TREH: variants seen among roughly 807,000 people sequenced by gnomAD.
The protein encoded by TREH is alpha,alpha-trehalose glucohydrolase.
In TREH, 69 loss-of-function variants were observed where a neutral mutation model predicts 80.5. That is an observed-to-expected ratio of 0.86 (90% CI 0.71 to 1.05). TREH has a LOEUF of 1.05. TREH is among the 50% of genes least tolerant of loss of function. The pLI, the probability that TREH is intolerant of heterozygous loss-of-function variation, is 0.00. For synonymous variants in TREH, 309 were observed against 293.5 expected (o/e 1.05, Z -0.54); for missense variants, 716 against 718.8 (o/e 1.00, Z 0.04).
At position 118,664,404 on chromosome 11, in the gene TREH, T is replaced by C. The variant is rs369974097; in HGVS notation, c.90-965A>G. On this transcript the variant is annotated intron_variant, in intron 1 of 14. Transcript: ENST00000264029. Reference sequence around the variant, plus strand: ...CCCCTGTGTTTGGGTTTTTGCTGACTTATGGGCAGTAGCCAATGGCCTGGC... The same window carrying C: ...CCCCTGTGTTTGGGTTTTTGCTGACCTATGGGCAGTAGCCAATGGCCTGGC... 1.2e-4 allele frequency among the ~76,000 whole-genome samples: 19 copies of C among 152,240 alleles called. 1 individual carries two copies. Among genetic ancestry groups the C allele is most frequent in the Admixed American group, 3.9e-4 (6 of 15,290 alleles).
chr11:118,663,281 C>G, intron 2 of TREH, 58 bp downstream of exon 2: 1 of 1,563,136 alleles, frequency 6.4e-7, no homozygotes. Context: ...GGTCTTGCCC[C>G]CTGCCTTCTT....
chr11:118,660,438 T>G (rs1555144643), intron 10 of TREH, 101 bp downstream of exon 10: 1 of 1,265,478 alleles, frequency 7.9e-7, no homozygotes, highest in African/African-American at 1.5e-5. Flanking sequence ...CAGGCTAAGT[T>G]GCTGAAGGCC....
At chr11:118,669,011 C>T (rs935143979) in intron 1 of TREH, among the ~76,000 whole-genome samples, 2 of 152,090 alleles carry the variant, frequency 1.3e-5, no homozygotes, top group Admixed American at 6.6e-5. Context: ...ATAGACATTA[C>T]TCAAAAGCAG....
At chr11:118,679,421 C>T (rs2137294488) in intron 1 of TREH, 118 bp downstream of exon 1, 2 of 1,258,180 alleles carry the variant, frequency 1.6e-6, no homozygotes, top group Middle Eastern at 2.0e-4. Flanking sequence ...CTTCCCTACT[C>T]TTTCCTTCCT....
In TREH at chr11:118,661,544, C is replaced by T; in HGVS notation, c.618-35G>A. 2 of 1,612,628 alleles carry T rather than the reference C, an allele frequency of 1.2e-6. No individual in the cohort carries two copies. The highest frequency in any genetic ancestry group is 8.5e-7 in the Non-Finnish European group (1 of 1,179,100). ...GGAAGGCCTGCTGAGATGCCCTCTCCCCAGCAACTGGCACCAAGGCAATCC... is the reference window on the plus strand; with the variant it reads ...GGAAGGCCTGCTGAGATGCCCTCTCTCCAGCAACTGGCACCAAGGCAATCC... On this transcript the variant is annotated intron_variant, in intron 6 of 14. Coordinates refer to ENST00000264029, the MANE Select transcript of TREH (RefSeq NM_007180.3). The surrounding 1 kb of genome is among the most constrained non-coding windows in gnomAD (Gnocchi z 4.2).
chr11:118,677,277 C>T (rs1001501944), intron 1 of TREH, among the ~76,000 whole-genome samples: 6 of 152,190 alleles, frequency 3.9e-5, no homozygotes, highest in East Asian at 1.9e-4. Flanking sequence ...ATACTTCATG[C>T]GTGCTGTCAC....
At position 118,679,268 on chromosome 11, in the gene TREH, T is replaced by C. The variant is rs567157560; in HGVS notation, c.89+271A>G. On this transcript the variant is annotated intron_variant, in intron 1 of 14. Coordinates refer to ENST00000264029, the MANE Select transcript of TREH (RefSeq NM_007180.3). ...ACGAGAATCTCTCGAACCCGGGAGG[T>C]CTAGGCTGCAGTGAGTGGAGATGGT... is the stretch of plus-strand genomic sequence containing the variant. Among the ~76,000 whole-genome samples the C allele has an allele frequency of 9.1e-4, 138 of 151,558 alleles. 1 individual carries two copies. The highest frequency in any genetic ancestry group is 2.5e-3 in the South Asian group (12 of 4,788).
intron 1 of TREH, among the ~76,000 whole-genome samples, chr11:118,668,431 C>T (rs4589335): frequency 0.32 from 48,044 of 150,958 alleles, 8,053 homozygotes; most frequent in Admixed American, 0.46. Context: ...ATTAGCTGGG[C>T]GTGGTGGCAT....
chr11:118,658,007 A>G lies in TREH; in HGVS notation c.*282T>C, dbSNP rs575784297. 16 of 462,622 alleles carry G rather than the reference A, an allele frequency of 3.5e-5. No homozygotes were observed. Among genetic ancestry groups the G allele is most frequent in the African/African-American group, 2.7e-4 (14 of 52,118 alleles). 28.7% of individuals were successfully genotyped at this position (462,622 alleles called of 1,614,324 possible). On this transcript the variant is annotated 3_prime_UTR_variant, in exon 15 of 15. Transcript: ENST00000264029. ...TATTTGTAAGCATTTCAGCAGAACA[A>G]TAAAGCCTTTGGACTACGGAAGTGA...
intron 1 of TREH, among the ~76,000 whole-genome samples, chr11:118,669,860 C>T (rs969206721): frequency 1.3e-5 from 2 of 152,086 alleles, no homozygotes; most frequent in African/African-American, 4.8e-5. Flanking sequence ...AGAGTATAAT[C>T]AGATTGTTTG....
Position 118,658,005 on chromosome 11 carries a change from C to G in TREH, c.*284G>C, listed in dbSNP as rs1555143313. On this transcript the variant is annotated 3_prime_UTR_variant, in exon 15 of 15. Coordinates refer to ENST00000264029, the MANE Select transcript of TREH (RefSeq NM_007180.3). ...AGTATTTGTAAGCATTTCAGCAGAA[C>G]AATAAAGCCTTTGGACTACGGAAGT... 2.2e-6 allele frequency: 1 copy of G among 454,210 alleles called. No individual in the cohort carries two copies. The highest frequency in any genetic ancestry group is 4.0e-6 in the Non-Finnish European group (1 of 252,062). 28.1% of individuals were successfully genotyped at this position (454,210 alleles called of 1,614,324 possible).
chr11:118,679,210 G>A (rs183316166), intron 1 of TREH, among the ~76,000 whole-genome samples: 2 of 152,236 alleles, frequency 1.3e-5, no homozygotes, highest in Non-Finnish European at 2.9e-5. Flanking sequence ...GGTGGTGCAT[G>A]CCTGTGATTC....
intron 1 of TREH, among the ~76,000 whole-genome samples, chr11:118,676,883 GA>G (rs1949486160): frequency 6.6e-6 from 1 of 151,880 alleles, no homozygotes; most frequent in Non-Finnish European, 1.5e-5. Flanking sequence ...GGTTACTTTG[GA>G]GGAACCCAAG....
chr11:118,665,595 A>G (rs906563519), intron 1 of TREH, among the ~76,000 whole-genome samples: 2 of 152,138 alleles, frequency 1.3e-5, no homozygotes, highest in African/African-American at 2.4e-5. Flanking sequence ...AGCCGAGATC[A>G]CGCCACTGCA....
chr11:118,668,675 C>T (rs1373981250), intron 1 of TREH, among the ~76,000 whole-genome samples: 4 of 150,374 alleles, frequency 2.7e-5, no homozygotes, highest in Non-Finnish European at 5.9e-5. Flanking sequence ...CGCAGTGGCT[C>T]ATGCCTGTAA....
At chr11:118,665,300 AG>A (rs1949366444) in intron 1 of TREH, among the ~76,000 whole-genome samples, 1 of 152,092 alleles carries the variant, frequency 6.6e-6, no homozygotes, top group African/African-American at 2.4e-5. Context: ...CCCCACGACT[AG>A]GACTGCAAAT....
rs1452959647 is a variant in TREH at position 118,663,135 on chromosome 11, C to T, written c.252G>A (p.Glu84=). The part of the protein sequence containing the change: ...SRDHNHSIPR[E]QLQAFVHEHF... The stretch of plus-strand genomic sequence containing the variant: ...GTTCGTGGACAAACGCCTGCAGCTG[C>T]TCCCTGGGGATGCTGTGATTGTGGT... Residue 84 remains glutamate, a synonymous_variant, in exon 3 of 15, where the codon GAG becomes GAA. Coordinates refer to ENST00000264029, the MANE Select transcript of TREH (RefSeq NM_007180.3). The T allele has an allele frequency of 3.7e-6, 6 of 1,613,842 alleles. No homozygotes were observed. Among genetic ancestry groups the T allele is most frequent in the Non-Finnish European group, 4.2e-6 (5 of 1,179,882 alleles).
Position 118,660,577 on chromosome 11 carries a change from T to G in TREH, c.1064A>C (p.Gln355Pro). The change falls in exon 10 of 15, where the codon CAA becomes CCA. Residue 355 changes from glutamine (Q) to proline (P), a missense_variant. By Grantham distance (76) the Gln-to-Pro change is moderately conservative. Coordinates refer to ENST00000264029, the MANE Select transcript of TREH (RefSeq NM_007180.3). Reference protein sequence around the residue: ...VPVDLNAFLCQAEELMSNFYS... With the variant: ...VPVDLNAFLCPAEELMSNFYS... ...GAAGTTGCTCATCAGCTCCTCTGCT[T>G]GGCATAGGAAGGCATTCAGGTCAAC... The G allele has an allele frequency of 6.2e-7, 1 of 1,610,636 alleles. No homozygotes were observed. Among genetic ancestry groups the G allele is most frequent in the Middle Eastern group, 1.7e-4 (1 of 6,058 alleles).
chr11:118,672,296 G>A (rs571680008), intron 1 of TREH, among the ~76,000 whole-genome samples: 1 of 152,274 alleles, frequency 6.6e-6, no homozygotes, highest in South Asian at 2.1e-4. Flanking sequence ...TACTGAGGAG[G>A]CTGAGGTGGG....
Sources: gnomAD v4.1 joint callset for allele counts (sites outside exome capture counted in the v4.1 genomes callset) on GRCh38, gnomAD v4.1.1 for gene constraint, Gnocchi (gnomAD v3.1) non-coding constraint, MANE v1.5 for transcripts, NCBI Gene and HGNC (gene_info 2026-07-23, HGNC 2026-07-21) for gene names.